KLF11: variants seen among roughly 807,000 people sequenced by gnomAD.
The protein encoded by KLF11 is Krueppel-like factor 11.
KLF11 carries 26 observed loss-of-function variants against 29.9 expected under a neutral mutation model. The observed-to-expected ratio is 0.87, with a 90% CI of 0.64 to 1.21. The LOEUF (loss-of-function observed/expected upper bound fraction) is 1.21, where lower values mean the gene tolerates loss of function less well. Among genes scored for constraint, KLF11 ranks in the 50% most tolerant of loss-of-function variants. The pLI, the probability that KLF11 is intolerant of heterozygous loss-of-function variation, is 0.00. For missense variants in KLF11, 778 were observed against 665.7 expected (o/e 1.17, Z -1.86); for synonymous variants, 318 against 257.4 (o/e 1.24, Z -2.25).
chr2:10,051,300 C>T (rs1661397121), intron 3 of KLF11, among the ~76,000 whole-genome samples: 2 of 152,014 alleles, frequency 1.3e-5, no homozygotes, highest in Admixed American at 1.3e-4. Context: ...CCTCCGCCTC[C>T]CAGGTTCAAG....
chr2:10,050,882 T>C (rs1195041817), intron 3 of KLF11, among the ~76,000 whole-genome samples: 2 of 142,090 alleles, frequency 1.4e-5, no homozygotes. Context: ...GTAGAGTGAA[T>C]AGATGCTACC....
At position 10,053,324 on chromosome 2, in the gene KLF11, A is replaced by G. The variant is rs1488661233; in HGVS notation, c.*817A>G. 1 of 398,534 alleles carries G rather than the reference A, an allele frequency of 2.5e-6. No individual in the cohort carries two copies. The highest frequency in any genetic ancestry group is 3.6e-5 in the East Asian group (1 of 28,100). The allele number at this position is 398,534 out of a possible 1,614,324, so 24.7% of individuals were successfully genotyped here. A position where few individuals can be genotyped will look rare whatever the true frequency, so the allele number is the denominator to read the frequency against. On this transcript the variant is annotated 3_prime_UTR_variant, in exon 4 of 4. Transcript: ENST00000305883. ...AATAGTCTTGGCCATGGCTCTGCTG[A>G]AAGCAAGCCATTCAGTTTCTTGTTT...
At position 10,043,935 on chromosome 2, in the gene KLF11, CGGGCGCGCCCGGGTCGGCGGGGGCGAG is replaced by C. The variant is rs1197669976; in HGVS notation, c.42+179_42+205del. Reference sequence around the variant, plus strand: ...GAGCCGGGCGGGGCGGCGGCCGCGACGGGCGCGCCCGGGTCGGCGGGGGCGAGGAGGGGGCGTGTTCCCCGCGCAGCT... The same window carrying C: ...GAGCCGGGCGGGGCGGCGGCCGCGACGAGGGGGCGTGTTCCCCGCGCAGCT... On this transcript the variant is annotated intron_variant, in intron 1 of 3. Coordinates refer to ENST00000305883, the MANE Select transcript of KLF11 (RefSeq NM_003597.5). 41 of 1,000,770 alleles carry C rather than the reference CGGGCGCGCCCGGGTCGGCGGGGGCGAG, an allele frequency of 4.1e-5. No individual in the cohort carries two copies. The South Asian group carries it at 1.6e-3, about 39-fold the overall frequency. 62.0% of individuals were successfully genotyped at this position (1,000,770 alleles called of 1,614,324 possible).
intron 3 of KLF11, among the ~76,000 whole-genome samples, chr2:10,049,481 C>CT (rs1661338437): frequency 6.6e-6 from 1 of 152,194 alleles, no homozygotes; most frequent in African/African-American, 2.4e-5. Flanking sequence ...AAGAGGAACT[C>CT]TACTACTCCA....
chr2:10,046,305 G>T lies in KLF11; in HGVS notation c.198G>T (p.Leu66=). 6.2e-7 allele frequency: 1 copy of T among 1,614,178 alleles called. No homozygotes were observed. Among genetic ancestry groups the T allele is most frequent in the Non-Finnish European group, 8.5e-7 (1 of 1,180,038 alleles). Residue 66 remains leucine, a synonymous_variant, in exon 2 of 4, where the codon CTG becomes CTT. Coordinates refer to ENST00000305883, the MANE Select transcript of KLF11 (RefSeq NM_003597.5). ...SWGQRSQKGD[L]LRIRPLTPVS... is the part of the protein sequence containing the mutation. ...GTCAAAGATCCCAGAAAGGTGACCT[G>T]TTGCGGATAAGACCCCTCACGCCTG...
At position 10,053,004 on chromosome 2, in the gene KLF11, A is replaced by G. The variant is rs1030987952; in HGVS notation, c.*497A>G. On this transcript the variant is annotated 3_prime_UTR_variant, in exon 4 of 4. Transcript: ENST00000305883. ...AATGGCCCTTCTTTTAGTAAACTGG[A>G]CATGTTATTCCACTACAAAAACCAC... 7.8e-6 allele frequency: 3 copies of G among 382,308 alleles called. No individual in the cohort carries two copies. The highest frequency in any genetic ancestry group is 4.4e-5 in the Admixed American group (1 of 22,874). The allele number at this position is 382,308 out of a possible 1,614,324, so 23.7% of individuals were successfully genotyped here. A position where few individuals can be genotyped will look rare whatever the true frequency, so the allele number is the denominator to read the frequency against.
intron 1 of KLF11, 88 bp from the exon 2 acceptor site, chr2:10,046,062 G>A (rs1000772563): frequency 2.0e-5 from 29 of 1,475,810 alleles, no homozygotes; most frequent in Middle Eastern, 2.4e-4. Flanking sequence ...CCTACTGTAG[G>A]CTTCTGATAT....
At chr2:10,051,833 ATTAAT>A (rs1374828180) in intron 3 of KLF11, among the ~76,000 whole-genome samples, 5 of 152,070 alleles carry the variant, frequency 3.3e-5, no homozygotes, top group Admixed American at 2.0e-4. Flanking sequence ...TACATTTTTA[ATTAAT>A]TTATTTTTGT....
Position 10,046,296 on chromosome 2 carries a change from A to G in KLF11, c.189A>G (p.Lys63=), listed in dbSNP as rs1479195283. The change falls in exon 2 of 4, where the codon AAA becomes AAG. Residue 63 remains lysine, a synonymous_variant. Transcript: ENST00000305883. ...CMSSWGQRSQ[K]GDLLRIRPLT... is the part of the protein sequence containing the mutation. ...GCTCCTGGGGTCAAAGATCCCAGAA[A>G]GGTGACCTGTTGCGGATAAGACCCC... 6.2e-7 allele frequency: 1 copy of G among 1,614,072 alleles called. No individual in the cohort carries two copies. The highest frequency in any genetic ancestry group is 1.3e-5 in the African/African-American group (1 of 74,928).
intron 2 of KLF11, 146 bp downstream of exon 2, chr2:10,046,565 C>G (rs1017180189): frequency 1.6e-4 from 151 of 943,564 alleles, no homozygotes; most frequent in Non-Finnish European, 2.3e-4. Context: ...GGAGTAGAAA[C>G]TCTTCCTTTG....
chr2:10,044,028 G>A (rs943565316), intron 1 of KLF11: 3 of 723,124 alleles, frequency 4.1e-6, no homozygotes, highest in East Asian at 2.5e-4. Flanking sequence ...CGCTGGCCCC[G>A]CGGCTATTTC....
At position 10,048,394 on chromosome 2, in the gene KLF11, C is replaced by A. The variant is rs886054724; in HGVS notation, c.1057C>A (p.Pro353Thr). 5.0e-6 allele frequency: 8 copies of A among 1,613,816 alleles called. No individual in the cohort carries two copies. Among genetic ancestry groups the A allele is most frequent in the Non-Finnish European group, 6.8e-6 (8 of 1,179,708 alleles). Residue 353 changes from proline to threonine, a missense_variant, in exon 3 of 4, where the codon CCC becomes ACC. By Grantham distance (38) the Pro-to-Thr change is conservative. Transcript: ENST00000305883. ...CCAGGGAGCCCTCCCTCCGCCTGCC[C>A]CCTGTGCAGCCAATGTCATGGCTGC... ...LPQGALPPPA[P>T]CAANVMAAGN...
chr2:10,048,599 A>G lies in KLF11; in HGVS notation c.1258+4A>G. On this transcript the variant is annotated splice_donor_region_variant and intron_variant, in intron 3 of 3. Coordinates refer to ENST00000305883, the MANE Select transcript of KLF11 (RefSeq NM_003597.5). The stretch of plus-strand genomic sequence containing the variant: ...GCCCATCTTCGCACTCACACAGGTA[A>G]GCGCTGGGGCAGGTGGGGCATTGGG... 1.3e-6 allele frequency: 2 copies of G among 1,596,416 alleles called. No individual in the cohort carries two copies. Among genetic ancestry groups the G allele is most frequent in the Non-Finnish European group, 1.7e-6 (2 of 1,175,814 alleles).
chr2:10,050,397 A>C, intron 3 of KLF11, among the ~76,000 whole-genome samples: 2 of 115,266 alleles, frequency 1.7e-5, no homozygotes, highest in African/African-American at 3.5e-5. Context: ...ACAGAGCGAG[A>C]CTCTTATCTC....
chr2:10,045,845 G>A (rs1661180333), intron 1 of KLF11, among the ~76,000 whole-genome samples: 2 of 152,242 alleles, frequency 1.3e-5, no homozygotes, highest in Admixed American at 6.5e-5. Context: ...TTGAACCTCA[G>A]GAGTTAATTT....
chr2:10,046,155 C>T lies in KLF11; in HGVS notation c.48C>T (p.Asp16=), dbSNP rs770371375. The change falls in exon 2 of 4, where the codon GAC becomes GAT. Residue 16 remains aspartate (D), a synonymous_variant. Coordinates refer to ENST00000305883, the MANE Select transcript of KLF11 (RefSeq NM_003597.5). ...FAGPDDARAV[D]IMDICESILE... ...TTGTGTTGTGTCGCCTTTAGGTTGA[C>T]ATCATGGACATATGTGAGTCCATCC... 4.3e-6 allele frequency: 7 copies of T among 1,613,752 alleles called. No individual in the cohort carries two copies. Among genetic ancestry groups the T allele is most frequent in the Non-Finnish European group, 4.2e-6 (5 of 1,180,032 alleles).
rs774809896 is a variant in KLF11, at chr2:10,047,955, G to C, written c.618G>C (p.Gln206His). 1.9e-6 allele frequency: 3 copies of C among 1,613,928 alleles called. No individual in the cohort carries two copies. In the South Asian group the frequency reaches 3.3e-5, roughly 18 times the overall value. The change falls in exon 3 of 4, where the codon CAG (glutamine) becomes CAC (histidine). Residue 206 changes from glutamine to histidine, a missense_variant. Gln to His is a conservative substitution (Grantham distance 24). Coordinates refer to ENST00000305883, the MANE Select transcript of KLF11 (RefSeq NM_003597.5). ...RLSDSREGEE[Q>H]LLGHFETLQD... is the part of the protein sequence containing the mutation. Reference sequence around the variant, plus strand: ...CTGACAGCAGAGAAGGAGAAGAGCAGCTTCTGGGACACTTTGAAACTTTGC... The same window carrying C: ...CTGACAGCAGAGAAGGAGAAGAGCACCTTCTGGGACACTTTGAAACTTTGC...
chr2:10,049,988 A>G (rs6721191), intron 3 of KLF11, among the ~76,000 whole-genome samples: 97,011 of 150,632 alleles, frequency 0.64, 31,325 homozygotes, highest in East Asian at 0.85. Flanking sequence ...ACCAGAGCAC[A>G]GCTTCCAAAT....
Position 10,046,181 on chromosome 2 carries a change from T to C in KLF11, c.74T>C (p.Leu25Pro), listed in dbSNP as rs750272368. The C allele has an allele frequency of 1.2e-6, 2 of 1,614,026 alleles. No individual in the cohort carries two copies. The highest frequency in any genetic ancestry group is 1.3e-5 in the African/African-American group (1 of 74,940). Reference sequence around the variant, plus strand: ...ATCATGGACATATGTGAGTCCATCCTGGAGAGGAAGCGGCATGACAGCGAA... The same window carrying C: ...ATCATGGACATATGTGAGTCCATCCCGGAGAGGAAGCGGCATGACAGCGAA... ...VDIMDICESI[L>P]ERKRHDSERS... The change falls in exon 2 of 4, where the codon CTG becomes CCG. Residue 25 changes from leucine (L) to proline (P), a missense_variant. Transcript: ENST00000305883.
Sources: gnomAD v4.1 joint callset for allele counts (sites outside exome capture counted in the v4.1 genomes callset) on GRCh38, gnomAD v4.1.1 for gene constraint, MANE v1.5 for transcripts, NCBI Gene and HGNC (gene_info 2026-07-23, HGNC 2026-07-21) for gene names.